ATF7IP: variants seen among roughly 807,000 people sequenced by gnomAD.
ATF7IP encodes the protein activating transcription factor 7 interacting protein.
A neutral mutation model predicts 106.4 loss-of-function variants in ATF7IP; 23 were observed. That is an observed-to-expected ratio of 0.22 (90% CI 0.16 to 0.31). The LOEUF is 0.31. ATF7IP is among the 10% of genes least tolerant of loss of function. The probability of loss-of-function intolerance (pLI) is 1.00; values close to 1 mark genes in which losing one functional copy is unlikely to be tolerated. For synonymous variants in ATF7IP, 542 were observed against 539.0 expected (o/e 1.01, Z -0.08); for missense variants, 1,334 against 1,524.3 (o/e 0.88, Z 2.08).
At chr12:14,391,923 G>A (rs561908545) in intron 1 of ATF7IP, among the ~76,000 whole-genome samples, 2 of 152,080 alleles carry the variant, frequency 1.3e-5, no homozygotes, top group African/African-American at 4.8e-5. Flanking sequence ...GTTTCACCAT[G>A]TTGGCCAGGT....
chr12:14,436,280 A>G (rs778187177), intron 4 of ATF7IP, 29 bp downstream of exon 4: 2 of 1,579,222 alleles, frequency 1.3e-6, no homozygotes, highest in Non-Finnish European at 1.7e-6. Flanking sequence ...GTTATAAACC[A>G]TATTGAATAA....
intron 1 of ATF7IP, among the ~76,000 whole-genome samples, chr12:14,402,460 T>G (rs1226526493): frequency 1.3e-5 from 2 of 152,158 alleles, no homozygotes; most frequent in East Asian, 3.9e-4. Context: ...CTTTTTTTTC[T>G]TTAGTCACCT....
Position 14,425,152 on chromosome 12 carries a change from A to G in ATF7IP, c.1237A>G (p.Asn413Asp), listed in dbSNP as rs754327937. Residue 413 changes from asparagine to aspartate, a missense_variant, in exon 2 of 15, where the codon AAT (asparagine) becomes GAT (aspartate). By Grantham distance (23) the Asn-to-Asp change is conservative. This residue lies in a region of ATF7IP where 438 missense variants were observed against 405.3 expected (regional missense o/e 1.08). Coordinates refer to ENST00000261168, the MANE Select transcript of ATF7IP (RefSeq NM_018179.5). ...SADLVETINE[N>D]VIEDNKSENI... ...AGATCTTGTAGAAACGATTAATGAAAATGTTATTGAAGATAACAAAAGTGA... is the reference window on the plus strand; with the variant it reads ...AGATCTTGTAGAAACGATTAATGAAGATGTTATTGAAGATAACAAAAGTGA... The G allele has an allele frequency of 6.9e-6, 11 of 1,592,638 alleles. No homozygotes were observed. The South Asian group carries it at 8.1e-5, about 12-fold the overall frequency.
rs1018267333 is a variant in ATF7IP at position 14,448,900 on chromosome 12, A to G, written c.1995+1847A>G. On this transcript the variant is annotated intron_variant, in intron 6 of 14. Coordinates refer to ENST00000261168, the MANE Select transcript of ATF7IP (RefSeq NM_018179.5). ...TTTGATTTGCATTTCTCTAATGACT[A>G]GTGATGTTGAGCATCTTTTCATATG... Among the ~76,000 whole-genome samples the G allele has an allele frequency of 3.9e-5, 6 of 152,128 alleles. No homozygotes were observed. In the South Asian group the frequency reaches 8.3e-4, roughly 21 times the overall value.
At chr12:14,428,316 A>G (rs1005249157) in intron 2 of ATF7IP, among the ~76,000 whole-genome samples, 1 of 152,210 alleles carries the variant, frequency 6.6e-6, no homozygotes. Context: ...AGTTGGGAAT[A>G]TTTTTGGTTA....
At chr12:14,399,608 CTT>C (rs1307289894) in intron 1 of ATF7IP, among the ~76,000 whole-genome samples, 1 of 150,634 alleles carries the variant, frequency 6.6e-6, no homozygotes, top group Admixed American at 6.6e-5. Context: ...TTTTTCCCTC[CTT>C]TTTTTCTTGT....
chr12:14,448,217 T>C (rs1242778432), intron 6 of ATF7IP, among the ~76,000 whole-genome samples: 2 of 152,178 alleles, frequency 1.3e-5, no homozygotes, highest in Non-Finnish European at 1.5e-5. Flanking sequence ...TTCTTTCCTG[T>C]TTTTGCAGCA....
At chr12:14,372,369 G>GT (rs1938567660) in intron 1 of ATF7IP, among the ~76,000 whole-genome samples, 2 of 150,074 alleles carry the variant, frequency 1.3e-5, no homozygotes, top group Non-Finnish European at 3.0e-5. Context: ...ACTAGTGCTT[G>GT]TTTATATGGT....
At chr12:14,457,058 G>A in intron 7 of ATF7IP, 149 bp from the exon 8 acceptor site, 1 of 671,238 alleles carries the variant, frequency 1.5e-6, no homozygotes, top group Non-Finnish European at 2.6e-6. Context: ...TGCCAGCTAT[G>A]CCTCACTGTT....
chr12:14,466,550 A>G lies in ATF7IP; in HGVS notation c.2822A>G (p.Asp941Gly). ...RIENQTNKTI[D>G]ASVSKKAADS... ...GAAAACCAGACAAACAAAACAATAGATGCTTCTGTCAGTAAGAAAGCAGCT... is the reference window on the plus strand; with the variant it reads ...GAAAACCAGACAAACAAAACAATAGGTGCTTCTGTCAGTAAGAAAGCAGCT... Residue 941 changes from aspartate to glycine, a missense_variant, in exon 10 of 15, where the codon GAT (aspartate) becomes GGT (glycine). This residue lies in a region of ATF7IP where 370 missense variants were observed against 401.2 expected (regional missense o/e 0.92). Coordinates refer to ENST00000261168, the MANE Select transcript of ATF7IP (RefSeq NM_018179.5). 6.2e-7 allele frequency: 1 copy of G among 1,604,000 alleles called. No homozygotes were observed. Among genetic ancestry groups the G allele is most frequent in the Non-Finnish European group, 8.5e-7 (1 of 1,176,934 alleles).
rs1348761304 is a variant in ATF7IP, at chr12:14,501,847, GCT to G, written c.*3777_*3778del. 2.0e-5 allele frequency: 3 copies of G among 152,128 alleles called. No homozygotes were observed. Among genetic ancestry groups the G allele is most frequent in the Non-Finnish European group, 4.4e-5 (3 of 68,018 alleles). 9.4% of individuals were successfully genotyped at this position (152,128 alleles called of 1,614,324 possible). On this transcript the variant is annotated 3_prime_UTR_variant, in exon 15 of 15. Coordinates refer to ENST00000261168, the MANE Select transcript of ATF7IP (RefSeq NM_018179.5). ...AGTGTTAACTTAGTTTTTGTTGTTT[GCT>G]CTTTTGCTTTAAATATTCTCCAAAT...
At chr12:14,480,270 C>T (rs1437162689) in intron 12 of ATF7IP, among the ~76,000 whole-genome samples, 1 of 151,996 alleles carries the variant, frequency 6.6e-6, no homozygotes, top group East Asian at 1.9e-4. Flanking sequence ...GAGTTGTTAA[C>T]AAGAAAGTGT....
At chr12:14,495,879 TCTC>T (rs1301467969) in intron 13 of ATF7IP, among the ~76,000 whole-genome samples, 2 of 152,172 alleles carry the variant, frequency 1.3e-5, no homozygotes, top group African/African-American at 4.8e-5. Context: ...TGTTCATAGT[TCTC>T]CTGGTAACGA....
intron 2 of ATF7IP, among the ~76,000 whole-genome samples, chr12:14,425,831 A>G (rs1261544750): frequency 2.0e-5 from 3 of 152,238 alleles, no homozygotes; most frequent in African/African-American, 4.8e-5. Flanking sequence ...ATAACTTAGA[A>G]CTAAAAGCCT....
At chr12:14,454,587 T>G (rs934403579) in intron 6 of ATF7IP, among the ~76,000 whole-genome samples, 4 of 152,174 alleles carry the variant, frequency 2.6e-5, no homozygotes, top group Non-Finnish European at 5.9e-5. Context: ...CAATGTATTT[T>G]CCTAACTGTT....
At chr12:14,445,825 A>G (rs528789001) in intron 5 of ATF7IP, among the ~76,000 whole-genome samples, 8 of 152,184 alleles carry the variant, frequency 5.3e-5, no homozygotes, top group Non-Finnish European at 1.0e-4. Flanking sequence ...GCTCTTCCTT[A>G]GGTAGGGCCT....
In ATF7IP at chr12:14,496,337, G is replaced by A. The variant is rs774363539; in HGVS notation, c.3387G>A (p.Val1129=). 19 of 1,610,470 alleles carry A rather than the reference G, an allele frequency of 1.2e-5. No homozygotes were observed. Among genetic ancestry groups the A allele is most frequent in the Non-Finnish European group, 1.6e-5 (19 of 1,177,006 alleles). Residue 1129 remains valine, a synonymous_variant, in exon 14 of 15, where the codon GTG becomes GTA. Transcript: ENST00000261168. ...QLTVHHRPPQ[V]HTEPPRPVHP... is the part of the protein sequence containing the mutation. ...CAGTGCATCACCGACCACCACAAGTGCATACTGTAAGTGTTGATGCTTGGT... is the reference window on the plus strand; with the variant it reads ...CAGTGCATCACCGACCACCACAAGTACATACTGTAAGTGTTGATGCTTGGT...
chr12:14,402,104 CTTTTT>C (rs1245626614), intron 1 of ATF7IP, among the ~76,000 whole-genome samples: 1 of 143,946 alleles, frequency 6.9e-6, no homozygotes, highest in East Asian at 2.0e-4. Flanking sequence ...TTCTCTCTCT[CTTTTT>C]CTTTTCTTTT....
chr12:14,411,330 T>TA, intron 1 of ATF7IP, among the ~76,000 whole-genome samples: 1 of 152,288 alleles, frequency 6.6e-6, no homozygotes, highest in East Asian at 1.9e-4. Flanking sequence ...TGTGAGATGT[T>TA]ATCTCATTGT....
Sources: allele counts gnomAD v4.1 joint callset (sites outside exome capture counted in the v4.1 genomes callset), GRCh38; gene constraint gnomAD v4.1.1; regional missense constraint gnomAD v4.1.1; transcripts MANE v1.5; gene names NCBI Gene and HGNC (gene_info 2026-07-23, HGNC 2026-07-21).